OR8H2: variants seen among roughly 807,000 people sequenced by gnomAD.
OR8H2 encodes olfactory receptor family 8 subfamily H member 2, also known as olfactory receptor 8H2.
For missense variants in OR8H2, 374 were observed against 371.1 expected (o/e 1.01, Z -0.06); for synonymous variants, 157 against 139.2 (o/e 1.13, Z -0.90).
chr11:56,105,779 T>C lies in OR8H2; in HGVS notation c.737T>C (p.Leu246Ser), dbSNP rs1283508602. 6.2e-7 allele frequency: 1 copy of C among 1,613,810 alleles called. No homozygotes were observed. Among genetic ancestry groups the C allele is most frequent in the African/African-American group, 1.3e-5 (1 of 74,906 alleles). ...TTCTCTACTTGCGTCTCTCATCTCT[T>C]GGGAGTCACCATCTTTTATAGCACT... ...KAFSTCVSHL[L>S]GVTIFYSTLI... The change falls in exon 2 of 2, where the codon TTG becomes TCG. Residue 246 changes from leucine (L) to serine (S), a missense_variant. Transcript: ENST00000313503.
Position 56,104,909 on chromosome 11 carries a change from C to T in OR8H2, c.-134C>T, listed in dbSNP as rs1385918603. ...TCGCCAGGGCTGGAATGCAATGGTG[C>T]GATCCCGGCTCACTGCAACCTCCGC... On this transcript the variant is annotated 5_prime_UTR_variant, in exon 2 of 2. It introduces an in-frame stop codon into an upstream open reading frame of the 5' UTR. Transcript: ENST00000313503. 31 of 751,430 alleles carry T rather than the reference C, an allele frequency of 4.1e-5. No homozygotes were observed. The highest frequency in any genetic ancestry group is 6.0e-5 in the Non-Finnish European group (27 of 453,322). The allele number at this position is 751,430 out of a possible 1,614,324, so 46.5% of individuals were successfully genotyped here.
In OR8H2 at chr11:56,106,810, A is replaced by G. The variant is rs1854061002; in HGVS notation, c.*829A>G. ...GATAATGTTGGAGAAAATTTGAAAA[A>G]TATTACAAAATATTGAAGAAAATAG... is the stretch of plus-strand genomic sequence containing the variant. On this transcript the variant is annotated 3_prime_UTR_variant, in exon 2 of 2. Transcript: ENST00000313503. 6.6e-6 allele frequency: 1 copy of G among 152,024 alleles called. No homozygotes were observed. Among genetic ancestry groups the G allele is most frequent in the Non-Finnish European group, 1.5e-5 (1 of 67,886 alleles). The allele number at this position is 152,024 out of a possible 1,614,324, so 9.4% of individuals were successfully genotyped here.
rs966966524 is a variant in OR8H2, at chr11:56,106,148, G to A, written c.*167G>A. 6 of 505,862 alleles carry A rather than the reference G, an allele frequency of 1.2e-5. No homozygotes were observed. Among genetic ancestry groups the A allele is most frequent in the Non-Finnish European group, 1.7e-5 (5 of 292,700 alleles). The allele number at this position is 505,862 out of a possible 1,614,324, so 31.3% of individuals were successfully genotyped here. A position where few individuals can be genotyped will look rare whatever the true frequency, so the allele number is the denominator to read the frequency against. On this transcript the variant is annotated 3_prime_UTR_variant, in exon 2 of 2. Transcript: ENST00000313503. ...TGATTTTAAACATTTCAAGGCATAT[G>A]TTTTTAGAAATCCAAATGGTAATTA...
Position 56,106,866 on chromosome 11 carries a change from C to T in OR8H2, c.*885C>T, listed in dbSNP as rs1854061761. On this transcript the variant is annotated 3_prime_UTR_variant, in exon 2 of 2. Coordinates refer to ENST00000313503, the MANE Select transcript of OR8H2 (RefSeq NM_001386064.1). ...CTCTACAAATATTGAGTTTTGGCTG[C>T]TCTTGATGTGGGGGTAGCCATTATT... 1.3e-5 allele frequency: 2 copies of T among 151,886 alleles called. No homozygotes were observed. Among genetic ancestry groups the T allele is most frequent in the South Asian group, 4.1e-4 (2 of 4,824 alleles). The allele number at this position is 151,886 out of a possible 1,614,324, so 9.4% of individuals were successfully genotyped here.
chr11:56,104,953 TCTC>T lies in OR8H2; in HGVS notation c.-87_-85del. The T allele has an allele frequency of 8.5e-7, 1 of 1,170,902 alleles. No individual in the cohort carries two copies. The highest frequency in any genetic ancestry group is 1.2e-6 in the Non-Finnish European group (1 of 816,216). 72.5% of individuals were successfully genotyped at this position (1,170,902 alleles called of 1,614,324 possible). A position where few individuals can be genotyped will look rare whatever the true frequency, so the allele number is the denominator to read the frequency against. On this transcript the variant is annotated 5_prime_UTR_variant, in exon 2 of 2. Coordinates refer to ENST00000313503, the MANE Select transcript of OR8H2 (RefSeq NM_001386064.1). ...CCTCCGCCTCCCGCGTTCAAGCAAT[TCTC>T]CTGCCTCAGCTTCTCCAGTAGCTGG...
chr11:56,105,469 G>A lies in OR8H2; in HGVS notation c.427G>A (p.Ala143Thr), dbSNP rs760326744. The A allele has an allele frequency of 3.1e-6, 5 of 1,614,060 alleles. No homozygotes were observed. The highest frequency in any genetic ancestry group is 1.1e-5 in the South Asian group (1 of 91,078). Residue 143 changes from alanine to threonine, a missense_variant, in exon 2 of 2, where the codon GCT (alanine) becomes ACT (threonine). Physicochemically the swap from Ala to Thr is moderately conservative, Grantham distance 58. Coordinates refer to ENST00000313503, the MANE Select transcript of OR8H2 (RefSeq NM_001386064.1). Reference protein sequence around the residue: ...TVIMSKRLCLALITGPYVIGF... With the variant: ...TVIMSKRLCLTLITGPYVIGF... ...TATTATGTCCAAAAGGCTCTGCCTCGCTCTCATCACTGGGCCTTATGTGAT... is the reference window on the plus strand; with the variant it reads ...TATTATGTCCAAAAGGCTCTGCCTCACTCTCATCACTGGGCCTTATGTGAT...
Position 56,105,164 on chromosome 11 carries a change from T to C in OR8H2, c.122T>C (p.Leu41Pro), listed in dbSNP as rs1854033646. 1.9e-6 allele frequency: 3 copies of C among 1,614,052 alleles called. No homozygotes were observed. Among genetic ancestry groups the C allele is most frequent in the African/African-American group, 1.3e-5 (1 of 74,922 alleles). Residue 41 changes from leucine (L) to proline (P), a missense_variant, in exon 2 of 2, where the codon CTG becomes CCG. By Grantham distance (98) the Leu-to-Pro change is moderately conservative. Transcript: ENST00000313503. ...LFLLIYLITM[L>P]GNVGMILIIR... ...CTCCTGATATACCTAATTACTATGC[T>C]GGGGAATGTGGGGATGATATTGATA...
rs1854037476 is a variant in OR8H2 at position 56,105,357 on chromosome 11, C to T, written c.315C>T (p.Ala105=). 1 of 1,613,918 alleles carries T rather than the reference C, an allele frequency of 6.2e-7. No individual in the cohort carries two copies. The change falls in exon 2 of 2, where the codon GCC becomes GCT. Residue 105 remains alanine (A), a synonymous_variant. Coordinates refer to ENST00000313503, the MANE Select transcript of OR8H2 (RefSeq NM_001386064.1). ...TGCFAQMFFF[A]FLGTAECYLL... ...GCTTTGCCCAGATGTTCTTTTTTGC[C>T]TTCTTGGGTACTGCTGAATGTTACC...
Position 56,106,473 on chromosome 11 carries a change from C to T in OR8H2, c.*492C>T, listed in dbSNP as rs1854057206. On this transcript the variant is annotated 3_prime_UTR_variant, in exon 2 of 2. Coordinates refer to ENST00000313503, the MANE Select transcript of OR8H2 (RefSeq NM_001386064.1). ...ATATGCTACATTTTTAGCTGTATAG[C>T]CAGTAATACGTTACCTAAAGCTTAA... 1 of 152,764 alleles carries T rather than the reference C, an allele frequency of 6.5e-6. No homozygotes were observed. The highest frequency in any genetic ancestry group is 1.5e-5 in the Non-Finnish European group (1 of 68,632). 9.5% of individuals were successfully genotyped at this position (152,764 alleles called of 1,614,324 possible).
At chr11:56,104,812 G>T (rs1033022314) in intron 1 of OR8H2, 60 bp from the exon 2 acceptor site, 6 of 422,746 alleles carry the variant, frequency 1.4e-5, no homozygotes, top group Non-Finnish European at 2.1e-5. Context: ...ATTTTTAAAT[G>T]ATATGCCATT....
Position 56,106,672 on chromosome 11 carries a change from G to A in OR8H2, c.*691G>A, listed in dbSNP as rs564603897. The A allele has an allele frequency of 1.3e-4, 19 of 151,902 alleles. 1 individual carries two copies. In the South Asian group the frequency reaches 3.7e-3, roughly 30 times the overall value. The allele number at this position is 151,902 out of a possible 1,614,324, so 9.4% of individuals were successfully genotyped here. The stretch of plus-strand genomic sequence containing the variant: ...AACTTGTGTTTAACAAATTATTTTT[G>A]GTTAATTTAATTGACAGAACTAAAA... On this transcript the variant is annotated 3_prime_UTR_variant, in exon 2 of 2. Transcript: ENST00000313503.
At position 56,105,640 on chromosome 11, in the gene OR8H2, T is replaced by C; in HGVS notation, c.598T>C (p.Phe200Leu). Residue 200 changes from phenylalanine (F) to leucine (L), a missense_variant, in exon 2 of 2, where the codon TTC becomes CTC. Coordinates refer to ENST00000313503, the MANE Select transcript of OR8H2 (RefSeq NM_001386064.1). ...TACATACAACACCGAAATCCTGATATTCATTATTGTTGGTTCCACCCTGAT... is the reference window on the plus strand; with the variant it reads ...TACATACAACACCGAAATCCTGATACTCATTATTGTTGGTTCCACCCTGAT... ...TDTYNTEILI[F>L]IIVGSTLMVS... is the part of the protein sequence containing the mutation. 1.2e-6 allele frequency: 2 copies of C among 1,614,130 alleles called. No individual in the cohort carries two copies. The highest frequency in any genetic ancestry group is 8.5e-7 in the Non-Finnish European group (1 of 1,179,954).
intron 1 of OR8H2, 25 bp from the exon 2 acceptor site, chr11:56,104,847 G>T (rs2512960): frequency 0.9 from 357,552 of 399,364 alleles, 158,399 homozygotes; most frequent in East Asian, 0.95. Flanking sequence ...GTTTTTTTTT[G>T]TTTGTTTTTT....
rs566895645 is a variant in OR8H2, at chr11:56,107,658, G to T, written c.*1677G>T. The T allele has an allele frequency of 2.0e-5, 3 of 151,510 alleles. No homozygotes were observed. In the South Asian group the frequency reaches 6.2e-4, roughly 31 times the overall value. The allele number at this position is 151,510 out of a possible 1,614,324, so 9.4% of individuals were successfully genotyped here. Reference sequence around the variant, plus strand: ...TAATCTTGTGAAATTTGTTATCTTCGTACAATTATATTTGATTTCTTCTAA... The same window carrying T: ...TAATCTTGTGAAATTTGTTATCTTCTTACAATTATATTTGATTTCTTCTAA... On this transcript the variant is annotated 3_prime_UTR_variant, in exon 2 of 2. Transcript: ENST00000313503.
At position 56,105,308 on chromosome 11, in the gene OR8H2, C is replaced by T. The variant is rs1384312381; in HGVS notation, c.266C>T (p.Ser89Phe). 1 of 1,614,196 alleles carries T rather than the reference C, an allele frequency of 6.2e-7. No individual in the cohort carries two copies. The highest frequency in any genetic ancestry group is 8.5e-7 in the Non-Finnish European group (1 of 1,180,032). ...AAAACCTTAGCGAACTTACTGACTT[C>T]CAACTATATTTCCTTTACGGGCTGC... ...TPKTLANLLT[S>F]NYISFTGCFA... The change falls in exon 2 of 2, where the codon TCC becomes TTC. Residue 89 changes from serine to phenylalanine, a missense_variant. Transcript: ENST00000313503.
intron 1 of OR8H2, among the ~76,000 whole-genome samples, chr11:56,104,281 T>C (rs1374992497): frequency 4.6e-5 from 7 of 152,110 alleles, no homozygotes; most frequent in African/African-American, 1.7e-4. Flanking sequence ...AATTTTAATG[T>C]AGCTAACTAA....
In OR8H2 at chr11:56,107,304, C is replaced by A. The variant is rs75692462; in HGVS notation, c.*1323C>A. ...GTTTTTAAAAATCATTGCCTTTCTC[C>A]TGATTTCTACAGGTTTGTTTCAGTT... On this transcript the variant is annotated 3_prime_UTR_variant, in exon 2 of 2. Transcript: ENST00000313503. 1 of 151,878 alleles carries A rather than the reference C, an allele frequency of 6.6e-6. No homozygotes were observed. The highest frequency in any genetic ancestry group is 1.5e-5 in the Non-Finnish European group (1 of 67,802). 9.4% of individuals were successfully genotyped at this position (151,878 alleles called of 1,614,324 possible). A position where few individuals can be genotyped will look rare whatever the true frequency, so the allele number is the denominator to read the frequency against.
rs930179116 is a variant in OR8H2 at position 56,103,849 on chromosome 11, A to C, written c.-310A>C. On this transcript the variant is annotated 5_prime_UTR_variant, in exon 1 of 2. Transcript: ENST00000313503. The stretch of plus-strand genomic sequence containing the variant: ...ATACACCAAAATGTAAAAACAACTT[A>C]TCTCAAGTAAAATAAATATTATAAA... 1 of 152,126 alleles carries C rather than the reference A, an allele frequency of 6.6e-6. No homozygotes were observed. The highest frequency in any genetic ancestry group is 2.4e-5 in the African/African-American group (1 of 41,448). 9.4% of individuals were successfully genotyped at this position (152,126 alleles called of 1,614,324 possible).
Position 56,105,612 on chromosome 11 carries a change from T to C in OR8H2, c.570T>C (p.Thr190=). 6.2e-7 allele frequency: 1 copy of C among 1,614,216 alleles called. No homozygotes were observed. Among genetic ancestry groups the C allele is most frequent in the Non-Finnish European group, 8.5e-7 (1 of 1,180,006 alleles). The change falls in exon 2 of 2, where the codon ACT becomes ACC. Residue 190 remains threonine, a synonymous_variant. Coordinates refer to ENST00000313503, the MANE Select transcript of OR8H2 (RefSeq NM_001386064.1). The part of the protein sequence containing the change: ...DTSPILALSC[T]DTYNTEILIF... ...CCCCAATTTTAGCTCTGTCCTGCAC[T>C]GATACATACAACACCGAAATCCTGA... is the stretch of plus-strand genomic sequence containing the variant.
Sources: allele counts gnomAD v4.1 joint callset (sites outside exome capture counted in the v4.1 genomes callset), GRCh38; gene constraint gnomAD v4.1.1; transcripts MANE v1.5; gene names NCBI Gene and HGNC (gene_info 2026-07-23, HGNC 2026-07-21).